TJP2: variants seen among roughly 807,000 people sequenced by gnomAD.
TJP2 encodes Friedreich ataxia region gene X104 (tight junction protein ZO-2).
In TJP2, 91 loss-of-function variants were observed where a neutral mutation model predicts 133.1. The ratio of observed to expected loss-of-function variants is 0.68; its 90% CI spans 0.58 to 0.81. TJP2 has a LOEUF of 0.81. Among genes scored for constraint, TJP2 ranks in the 40% least tolerant of loss-of-function variants. The pLI, the probability that TJP2 is intolerant of heterozygous loss-of-function variation, is 0.00. For synonymous variants in TJP2, 592 were observed against 583.4 expected (o/e 1.01, Z -0.21); for missense variants, 1,541 against 1,565.6 (o/e 0.98, Z 0.26).
intron 6 of TJP2, 30 bp downstream of exon 6, chr9:69,225,437 GTGCATAC>G: frequency 7.0e-7 from 1 of 1,418,828 alleles, no homozygotes; most frequent in Non-Finnish European, 1.0e-6. Context: ...GAACGGTAGT[GTGCATAC>G]TGCCGTTCAT....
chr9:69,151,509 A>G (rs1271090648), intron 1 of TJP2: 4 of 758,056 alleles, frequency 5.3e-6, no homozygotes, highest in Non-Finnish European at 7.1e-6. Context: ...TTGTGGTGAC[A>G]GTTGCATAAC....
rs372570091 is a variant in TJP2, at chr9:69,246,496, TCAAA to T, written c.2567-191_2567-188del. ...TATCACATCCACCTATAATGTGAAC[TCAAA>T]CAGCTACATGATTAGTAGTTTTAAT... is the stretch of plus-strand genomic sequence containing the variant. On this transcript the variant is annotated intron_variant, in intron 17 of 22. Transcript: ENST00000377245. 2.4e-4 allele frequency: 149 copies of T among 610,392 alleles called. 1 individual carries two copies. The highest frequency in any genetic ancestry group is 2.4e-3 in the African/African-American group (133 of 54,490). 37.8% of individuals were successfully genotyped at this position (610,392 alleles called of 1,614,324 possible). A position where few individuals can be genotyped will look rare whatever the true frequency, so the allele number is the denominator to read the frequency against.
At chr9:69,167,172 A>G (rs1824403341) in intron 2 of TJP2, among the ~76,000 whole-genome samples, 1 of 152,114 alleles carries the variant, frequency 6.6e-6, no homozygotes, top group Non-Finnish European at 1.5e-5. Flanking sequence ...CAGGAGGCGG[A>G]CGTTGCAGTG....
chr9:69,122,735 C>A (rs974494520), intron 1 of TJP2, among the ~76,000 whole-genome samples: 6 of 152,154 alleles, frequency 3.9e-5, no homozygotes, highest in African/African-American at 1.4e-4. Flanking sequence ...TCTCAACTAT[C>A]CTTATTGTCT....
chr9:69,224,668 T>G (rs1829194158), intron 5 of TJP2, among the ~76,000 whole-genome samples: 1 of 152,090 alleles, frequency 6.6e-6, no homozygotes, highest in Admixed American at 6.6e-5. Flanking sequence ...CAAAGCAAGA[T>G]TCTGTCTCAA....
intron 2 of TJP2, among the ~76,000 whole-genome samples, chr9:69,153,374 G>A (rs968503314): frequency 8.5e-5 from 13 of 152,122 alleles, no homozygotes; most frequent in African/African-American, 3.1e-4. Flanking sequence ...CTTGAGCCCA[G>A]GAGTTTGAGA....
At chr9:69,133,619 T>G (rs556465244) in intron 1 of TJP2, among the ~76,000 whole-genome samples, 1 of 146,440 alleles carries the variant, frequency 6.8e-6, no homozygotes, top group South Asian at 2.3e-4. Context: ...TGGCGCGATC[T>G]CGGCTCACTG....
intron 5 of TJP2, among the ~76,000 whole-genome samples, chr9:69,224,505 C>G (rs1829173064): frequency 6.6e-6 from 1 of 152,110 alleles, no homozygotes; most frequent in Non-Finnish European, 1.5e-5. Flanking sequence ...TGGTGAAACC[C>G]TGTCTCTACT....
intron 2 of TJP2, among the ~76,000 whole-genome samples, chr9:69,215,773 G>A (rs745551831): frequency 4.0e-5 from 6 of 151,794 alleles, no homozygotes; most frequent in Non-Finnish European, 8.8e-5. Flanking sequence ...CACAATGGCT[G>A]TCTGTTGTAA....
chr9:69,175,542 ACTGCATATC>A (rs1325898073), intron 1 of TJP2, among the ~76,000 whole-genome samples: 1 of 152,254 alleles, frequency 6.6e-6, no homozygotes, highest in Non-Finnish European at 1.5e-5. Flanking sequence ...GCAAAGTACC[ACTGCATATC>A]CTGCTTGAGA....
chr9:69,233,733 C>T lies in TJP2; in HGVS notation c.1672-706C>T, dbSNP rs567430506. On this transcript the variant is annotated intron_variant, in intron 11 of 22. Coordinates refer to ENST00000377245, the MANE Select transcript of TJP2 (RefSeq NM_004817.4). The stretch of plus-strand genomic sequence containing the variant: ...CGGAGGTTGCAGTGAGCCAAGATCG[C>T]GCCATTGCACTCCAGCCTGGGCGAC... 7.9e-5 allele frequency among the ~76,000 whole-genome samples: 12 copies of T among 151,978 alleles called. No homozygotes were observed. The South Asian group carries it at 1.0e-3, about 13-fold the overall frequency.
At chr9:69,251,437 C>T in intron 21 of TJP2, 73 bp downstream of exon 21, 3 of 1,474,882 alleles carry the variant, frequency 2.0e-6, no homozygotes, top group Middle Eastern at 1.7e-4. Flanking sequence ...CAGCGAACAG[C>T]CCCTTTGCTG....
chr9:69,138,820 G>A lies in TJP2; in HGVS notation c.-130-12831G>A, dbSNP rs192620315. ...TAATCCCAGCTACTTGGGAGACTGA[G>A]GCAGGAGAATTGCTTGAACCTGGGA... is the stretch of plus-strand genomic sequence containing the variant. On this transcript the variant is annotated intron_variant, in intron 1 of 5. Coordinates refer to the TJP2 transcript ENST00000423935. Among the ~76,000 whole-genome samples, 18 of 152,322 alleles carry A rather than the reference G, an allele frequency of 1.2e-4. No homozygotes were observed. The East Asian group carries it at 3.3e-3, about 28-fold the overall frequency.
At chr9:69,139,111 G>A (rs956548018) in intron 1 of TJP2, among the ~76,000 whole-genome samples, 1 of 151,692 alleles carries the variant, frequency 6.6e-6, no homozygotes, top group Non-Finnish European at 1.5e-5. Flanking sequence ...CAGCTGCTGG[G>A]GAGGCTGAGG....
intron 20 of TJP2, 78 bp from the exon 21 acceptor site, chr9:69,250,957 G>T: frequency 7.4e-7 from 1 of 1,345,602 alleles, no homozygotes; most frequent in South Asian, 1.2e-5. Flanking sequence ...TCAGGAAATG[G>T]AGTGTATTAA....
At chr9:69,155,582 G>A (rs148108611) in intron 2 of TJP2, among the ~76,000 whole-genome samples, 1 of 152,378 alleles carries the variant, frequency 6.6e-6, no homozygotes, top group Non-Finnish European at 1.5e-5. Flanking sequence ...GAGAGTACTT[G>A]TAATGGCTGG....
At chr9:69,160,881 GGA>G (rs1433126833) in intron 2 of TJP2, among the ~76,000 whole-genome samples, 1 of 152,166 alleles carries the variant, frequency 6.6e-6, no homozygotes, top group Non-Finnish European at 1.5e-5. Context: ...GAACAGGATG[GGA>G]GAGACTTGCC....
At chr9:69,158,217 A>T (rs1295795237) in intron 2 of TJP2, among the ~76,000 whole-genome samples, 2 of 150,704 alleles carry the variant, frequency 1.3e-5, no homozygotes, top group South Asian at 2.1e-4. Flanking sequence ...TATCCCAGCT[A>T]CTCGGGAGGT....
Position 69,221,172 on chromosome 9 carries a change from G to A in TJP2, c.628G>A (p.Ala210Thr), listed in dbSNP as rs1828804892. The change falls in exon 5 of 23, where the codon GCG (alanine) becomes ACG (threonine). Residue 210 changes from alanine to threonine, a missense_variant. Transcript: ENST00000377245. ...GGAGCGGGGCCTGGACCAAGACCAT[G>A]CGCGCACCCGAGACCGCAGCCGTGG... The part of the protein sequence containing the change: ...SLERGLDQDH[A>T]RTRDRSRGRS... The A allele has an allele frequency of 6.3e-7, 1 of 1,598,090 alleles. No homozygotes were observed. The highest frequency in any genetic ancestry group is 8.5e-7 in the Non-Finnish European group (1 of 1,172,270).
Sources: allele counts gnomAD v4.1 joint callset (sites outside exome capture counted in the v4.1 genomes callset), GRCh38; gene constraint gnomAD v4.1.1; transcripts MANE v1.5; gene names NCBI Gene and HGNC (gene_info 2026-07-23, HGNC 2026-07-21).